Variants in ADAMTS12 observed in about 807,000 individuals in gnomAD.
ADAMTS12 encodes A disintegrin and metalloproteinase with thrombospondin motifs 12.
A neutral mutation model predicts 167.8 loss-of-function variants in ADAMTS12; 118 were observed. That is an observed-to-expected ratio of 0.70 (90% CI 0.61 to 0.82). ADAMTS12 has a LOEUF of 0.82. ADAMTS12 is among the 40% of genes least tolerant of loss of function. ADAMTS12 has a pLI of 0.00. For synonymous variants in ADAMTS12, 704 were observed against 716.9 expected, an observed-to-expected ratio of 0.98 and a Z score of 0.29; for missense variants, 1,916 against 1,998.8, an observed-to-expected ratio of 0.96 and a Z score of 0.79.
At chr5:33,856,386 T>G (rs1749403528) in intron 2 of ADAMTS12, among the ~76,000 whole-genome samples, 1 of 152,112 alleles carries the variant, frequency 6.6e-6, no homozygotes, top group Admixed American at 6.5e-5. Context: ...TATATGACTC[T>G]TATAGTCACA....
intron 1 of ADAMTS12, among the ~76,000 whole-genome samples, chr5:33,884,016 G>C (rs1353314756): frequency 6.6e-6 from 1 of 152,158 alleles, no homozygotes; most frequent in Non-Finnish European, 1.5e-5. Context: ...TCCAGGGCTC[G>C]AACAGTGAAG....
rs74951895 is a variant in ADAMTS12 at position 33,779,916 on chromosome 5, A to G, written c.490-28368T>C. Among the ~76,000 whole-genome samples, 74 of 152,320 alleles carry G rather than the reference A, an allele frequency of 4.9e-4. 1 individual carries two copies. In the East Asian group the frequency reaches 0.012, roughly 25 times the overall value. On this transcript the variant is annotated intron_variant, in intron 2 of 23. Transcript: ENST00000504830. ...AATGTGACTATAGTTAATAATAACT[A>G]TAACAGTGACTATAGTTAATAATAT...
chr5:33,630,990 T>G, intron 12 of ADAMTS12, 77 bp from the exon 13 acceptor site: 1 of 1,555,284 alleles, frequency 6.4e-7, no homozygotes, highest in East Asian at 2.3e-5. Context: ...CCTCCGTACT[T>G]AGGACCCCCA....
chr5:33,793,864 G>A (rs1368262386), intron 2 of ADAMTS12, among the ~76,000 whole-genome samples: 1 of 152,118 alleles, frequency 6.6e-6, no homozygotes, highest in Admixed American at 6.5e-5. Context: ...AGAGAAAAGG[G>A]CTTTAGTTCT....
In ADAMTS12 at chr5:33,742,963, A is replaced by T. The variant is rs542929826; in HGVS notation, c.634+8441T>A. 3.9e-5 allele frequency among the ~76,000 whole-genome samples: 6 copies of T among 152,368 alleles called. No homozygotes were observed. In the East Asian group the frequency reaches 1.2e-3, roughly 29 times the overall value. The stretch of plus-strand genomic sequence containing the variant: ...GTGATGACAAGTGCTGTGAAAAAAT[A>T]AAGTAGGATAAAGGGCTTACAAAGT... On this transcript the variant is annotated intron_variant, in intron 3 of 23. Coordinates refer to ENST00000504830, the MANE Select transcript of ADAMTS12 (RefSeq NM_030955.4).
intron 2 of ADAMTS12, among the ~76,000 whole-genome samples, chr5:33,778,222 T>G (rs1276653239): frequency 1.3e-5 from 2 of 152,154 alleles, no homozygotes; most frequent in Admixed American, 6.5e-5. Flanking sequence ...AAAGCTATTT[T>G]GAGCAAAAAG....
In ADAMTS12 at chr5:33,806,896, C is replaced by T. The variant is rs114084000; in HGVS notation, c.490-55348G>A. Among the ~76,000 whole-genome samples, 979 of 152,308 alleles carry T rather than the reference C, an allele frequency of 6.4e-3. 8 individuals carry two copies. Among genetic ancestry groups the T allele is most frequent in the African/African-American group, 0.022 (910 of 41,562 alleles). ...GCAGCCGCCACACAGTAACTGCTGA[C>T]GCCAGGTGGCTCCTGCCCGCACTCT... On this transcript the variant is annotated intron_variant, in intron 2 of 23. Transcript: ENST00000504830.
chr5:33,705,712 G>A (rs1218411449), intron 3 of ADAMTS12, among the ~76,000 whole-genome samples: 1 of 152,040 alleles, frequency 6.6e-6, no homozygotes, highest in Non-Finnish European at 1.5e-5. Flanking sequence ...GGGAGGCTGA[G>A]GCAGCAGAAT....
chr5:33,781,009 T>C (rs970525301), intron 2 of ADAMTS12, among the ~76,000 whole-genome samples: 1 of 152,198 alleles, frequency 6.6e-6, no homozygotes. Context: ...ACTGTCATAA[T>C]AGATATGCAA....
intron 3 of ADAMTS12, among the ~76,000 whole-genome samples, chr5:33,692,363 G>A (rs903245172): frequency 6.6e-6 from 1 of 152,156 alleles, no homozygotes; most frequent in South Asian, 2.1e-4. Context: ...ACAATAGAAG[G>A]AGCCTGGGTT....
At chr5:33,778,416 AC>A (rs1763248978) in intron 2 of ADAMTS12, among the ~76,000 whole-genome samples, 1 of 152,182 alleles carries the variant, frequency 6.6e-6, no homozygotes, top group Non-Finnish European at 1.5e-5. Flanking sequence ...AATGCATACA[AC>A]AGGGTAAAGA....
chr5:33,643,362 C>T lies in ADAMTS12; in HGVS notation c.1572+16G>A, dbSNP rs138363973. On this transcript the variant is annotated intron_variant, in intron 10 of 23. Transcript: ENST00000504830. ...CCCACCGCCCTCCCACCTCATTCCT[C>T]GGCCTGACGCATCACCTTCTTCTCA... 570 of 1,613,820 alleles carry T rather than the reference C, an allele frequency of 3.5e-4. 2 individuals are homozygous for T. In the East Asian group the frequency reaches 0.01, roughly 29 times the overall value.
At chr5:33,833,127 G>A (rs899749554) in intron 2 of ADAMTS12, among the ~76,000 whole-genome samples, 1 of 152,188 alleles carries the variant, frequency 6.6e-6, no homozygotes, top group Non-Finnish European at 1.5e-5. Flanking sequence ...GAATTAGTGT[G>A]AGATGATGAT....
intron 2 of ADAMTS12, among the ~76,000 whole-genome samples, chr5:33,877,676 G>A (rs1240250222): frequency 2.6e-5 from 4 of 152,258 alleles, no homozygotes; most frequent in African/African-American, 4.8e-5. Flanking sequence ...GCCGAGACAC[G>A]GGCTGACTCA....
Position 33,595,808 on chromosome 5 carries a change from G to A in ADAMTS12, c.2654+126C>T, listed in dbSNP as rs562208214. The A allele has an allele frequency of 3.3e-5, 45 of 1,379,452 alleles. No individual in the cohort carries two copies. The East Asian group carries it at 4.0e-4, about 12-fold the overall frequency. 85.5% of individuals were successfully genotyped at this position (1,379,452 alleles called of 1,614,324 possible). ...AGCATAGCCACAGAAAACTCTAACC[G>A]CGTTCTTGTATTTATCCAAATAACA... On this transcript the variant is annotated intron_variant, in intron 17 of 23. Transcript: ENST00000504830.
intron 2 of ADAMTS12, among the ~76,000 whole-genome samples, chr5:33,794,660 G>T (rs994510371): frequency 6.6e-6 from 1 of 152,076 alleles, no homozygotes; most frequent in Non-Finnish European, 1.5e-5. Flanking sequence ...CCGGCACTGT[G>T]GATGGCACAT....
At chr5:33,656,431 C>T (rs535202277) in intron 7 of ADAMTS12, among the ~76,000 whole-genome samples, 1 of 152,102 alleles carries the variant, frequency 6.6e-6, no homozygotes, top group African/African-American at 2.4e-5. Context: ...AGTGTCCATG[C>T]CCAGGAAGTT....
At chr5:33,766,066 CAGA>C (rs1241042376) in intron 2 of ADAMTS12, among the ~76,000 whole-genome samples, 5 of 152,134 alleles carry the variant, frequency 3.3e-5, no homozygotes, top group Non-Finnish European at 7.4e-5. Context: ...TCTTCCTGTA[CAGA>C]AGATTTCCAA....
At chr5:33,807,155 A>G (rs1401460704) in intron 2 of ADAMTS12, among the ~76,000 whole-genome samples, 3 of 152,132 alleles carry the variant, frequency 2.0e-5, no homozygotes, top group Non-Finnish European at 4.4e-5. Flanking sequence ...TATCTCCTCC[A>G]GGGTTCCACA....
Sources: gnomAD v4.1 joint callset for allele counts (sites outside exome capture counted in the v4.1 genomes callset) on GRCh38, gnomAD v4.1.1 for gene constraint, MANE v1.5 for transcripts, NCBI Gene and HGNC (gene_info 2026-07-23, HGNC 2026-07-21) for gene names.